Variants in CCDC38 observed in about 807,000 individuals in gnomAD.
CCDC38 encodes coiled-coil domain-containing protein 38.
A neutral mutation model predicts 72.8 loss-of-function variants in CCDC38; 69 were observed. That is an observed-to-expected ratio of 0.95 (90% CI 0.78 to 1.16). The LOEUF (loss-of-function observed/expected upper bound fraction) is 1.16. Among genes scored for constraint, CCDC38 ranks in the 50% most tolerant of loss-of-function variants. The pLI is 0.00. For synonymous variants in CCDC38, 201 were observed against 213.2 expected (o/e 0.94, Z 0.50); for missense variants, 626 against 638.9 (o/e 0.98, Z 0.22).
chr12:95,883,444 T>A (rs1329499728), intron 10 of CCDC38, among the ~76,000 whole-genome samples: 1 of 152,140 alleles, frequency 6.6e-6, no homozygotes, highest in African/African-American at 2.4e-5. Flanking sequence ...AACCTGCCAT[T>A]CTGAACAGAG....
chr12:95,869,263 GCTT>G (rs2079554757), intron 15 of CCDC38, among the ~76,000 whole-genome samples: 1 of 152,090 alleles, frequency 6.6e-6, no homozygotes, highest in African/African-American at 2.4e-5. Context: ...GAGAGAAGAG[GCTT>G]CTTTTACTAA....
At chr12:95,916,834 C>T (rs933947773) in intron 4 of CCDC38, among the ~76,000 whole-genome samples, 7 of 152,024 alleles carry the variant, frequency 4.6e-5, no homozygotes, top group Non-Finnish European at 7.4e-5. Context: ...TATGAATGGC[C>T]AGAGCTATTA....
Position 95,917,025 on chromosome 12 carries a change from A to G in CCDC38, c.304+104T>C, listed in dbSNP as rs538343366. ...TGTACTAAGACTCCCTACCATTATA[A>G]GAGAGCATACTGTCTGTTTTAATCA... On this transcript the variant is annotated intron_variant, in intron 4 of 15. Transcript: ENST00000344280. 47 of 781,930 alleles carry G rather than the reference A, an allele frequency of 6.0e-5. 1 individual carries two copies. In the South Asian group the frequency reaches 1.1e-3, roughly 19 times the overall value. 48.4% of individuals were successfully genotyped at this position (781,930 alleles called of 1,614,324 possible).
At chr12:95,938,894 A>T (rs1246258233) in intron 1 of CCDC38, among the ~76,000 whole-genome samples, 1 of 152,248 alleles carries the variant, frequency 6.6e-6, no homozygotes, top group Non-Finnish European at 1.5e-5. Context: ...TCACATCTTA[A>T]ATACACGTTC....
chr12:95,940,457 C>T (rs941932408), intron 1 of CCDC38, among the ~76,000 whole-genome samples: 1 of 152,192 alleles, frequency 6.6e-6, no homozygotes, highest in African/African-American at 2.4e-5. Flanking sequence ...CAACAACCCC[C>T]TCTAAAACCC....
In CCDC38 at chr12:95,879,677, A is replaced by G. The variant is rs1357756078; in HGVS notation, c.1109T>C (p.Val370Ala). 6.9e-6 allele frequency: 11 copies of G among 1,601,224 alleles called. No homozygotes were observed. Among genetic ancestry groups the G allele is most frequent in the Non-Finnish European group, 8.6e-6 (10 of 1,169,570 alleles). ...SQDVDENLEEVNKREKVIQDK... is the reference protein window; with the variant it reads ...SQDVDENLEEANKREKVIQDK... ...CTGTATAACTTTTTCTCTTTTGTTT[A>G]CCTCTTCAAGATTTTCATCTACATC... Residue 370 changes from valine to alanine, a missense_variant, in exon 12 of 16, where the codon GTA becomes GCA. Coordinates refer to ENST00000344280, the MANE Select transcript of CCDC38 (RefSeq NM_182496.3). The surrounding 1 kb of genome is among the most constrained non-coding windows in gnomAD (Gnocchi z 5.5).
rs560284789 is a variant in CCDC38, at chr12:95,904,957, A to T, written c.369+1430T>A. Reference sequence around the variant, plus strand: ...TTACTACAAATAGTTGTTCCTTGGCATCAACAGGAGATTGGCTCCAGGATC... The same window carrying T: ...TTACTACAAATAGTTGTTCCTTGGCTTCAACAGGAGATTGGCTCCAGGATC... On this transcript the variant is annotated intron_variant, in intron 5 of 15. Transcript: ENST00000344280. Among the ~76,000 whole-genome samples the T allele has an allele frequency of 2.8e-4, 43 of 152,330 alleles. No individual in the cohort carries two copies. The South Asian group carries it at 7.5e-3, about 26-fold the overall frequency.
chr12:95,869,632 A>C, intron 14 of CCDC38, 59 bp from the exon 15 acceptor site: 1 of 1,282,244 alleles, frequency 7.8e-7, no homozygotes, highest in Non-Finnish European at 1.1e-6. Context: ...TAAGAAAAGT[A>C]CATTACTATT....
At chr12:95,919,706 C>T (rs908841693) in intron 2 of CCDC38, 2 of 443,698 alleles carry the variant, frequency 4.5e-6, no homozygotes, top group African/African-American at 2.0e-5. Context: ...TATGTTTCTT[C>T]TCACCATTAT....
At chr12:95,912,539 T>A (rs2080105407) in intron 4 of CCDC38, among the ~76,000 whole-genome samples, 2 of 152,162 alleles carry the variant, frequency 1.3e-5, no homozygotes, top group Non-Finnish European at 2.9e-5. Flanking sequence ...AGTTTGAGTG[T>A]GCTGTAGCGC....
intron 5 of CCDC38, among the ~76,000 whole-genome samples, chr12:95,905,592 G>A (rs10859977): frequency 0.24 from 35,830 of 152,120 alleles, 4,388 homozygotes; most frequent in South Asian, 0.35. Flanking sequence ...GCCCCAAAAT[G>A]TGTGATGTGA....
intron 11 of CCDC38, among the ~76,000 whole-genome samples, chr12:95,880,422 G>A (rs1204679413): frequency 1.3e-5 from 2 of 152,138 alleles, no homozygotes; most frequent in Non-Finnish European, 2.9e-5. Flanking sequence ...TTGGGAGGCC[G>A]AGGTGGGTGG....
chr12:95,918,001 T>C (rs879465877), intron 3 of CCDC38, among the ~76,000 whole-genome samples: 1 of 152,188 alleles, frequency 6.6e-6, no homozygotes, highest in Non-Finnish European at 1.5e-5. Context: ...TAATTTTAAG[T>C]ATGTTCCACA....
chr12:95,920,069 A>G (rs1168938681), intron 2 of CCDC38, among the ~76,000 whole-genome samples: 1 of 152,236 alleles, frequency 6.6e-6, no homozygotes, highest in Non-Finnish European at 1.5e-5. Flanking sequence ...TAATAGCCAA[A>G]AAATAGAGAC....
chr12:95,897,678 T>C (rs1351453297), intron 7 of CCDC38, among the ~76,000 whole-genome samples: 2 of 151,938 alleles, frequency 1.3e-5, no homozygotes, highest in Non-Finnish European at 2.9e-5. Flanking sequence ...AACATCCAAG[T>C]TTGAAAAAGA....
At chr12:95,899,153 A>G (rs576766034) in intron 5 of CCDC38, among the ~76,000 whole-genome samples, 2 of 152,340 alleles carry the variant, frequency 1.3e-5, no homozygotes, top group Non-Finnish European at 1.5e-5. Context: ...CATGCCAGTG[A>G]TGCATTCCTG....
chr12:95,942,702 C>G (rs1424443232), upstream of CCDC38: 1 of 152,378 alleles, frequency 6.6e-6, no homozygotes, highest in African/African-American at 2.4e-5. Context: ...GGCTCGCGGC[C>G]CTCCGCGTCC....
chr12:95,872,234 TCTTATC>T lies in CCDC38; in HGVS notation c.1484+15_1484+20del. 6.2e-7 allele frequency: 1 copy of T among 1,609,828 alleles called. No individual in the cohort carries two copies. The highest frequency in any genetic ancestry group is 8.5e-7 in the Non-Finnish European group (1 of 1,176,166). ...CAAAACCAGCTACTCATTAAGTCAT[TCTTATC>T]CTTATTGACTGTACTTTTGCCGCCA... is the stretch of plus-strand genomic sequence containing the variant. On this transcript the variant is annotated intron_variant, in intron 14 of 15. Coordinates refer to ENST00000344280, the MANE Select transcript of CCDC38 (RefSeq NM_182496.3).
Position 95,936,642 on chromosome 12 carries a change from A to C in CCDC38, c.-14-119T>G, listed in dbSNP as rs2080397560. ...TATGGCTTTTAAAAGCAGTGAGCAC[A>C]CACATACTCTTTGACCCAGCAATTT... On this transcript the variant is annotated intron_variant, in intron 1 of 15. Transcript: ENST00000344280. The C allele has an allele frequency of 4.4e-6, 3 of 677,010 alleles. 1 individual carries two copies. The South Asian group carries it at 6.7e-5, about 15-fold the overall frequency. 41.9% of individuals were successfully genotyped at this position (677,010 alleles called of 1,614,324 possible). A position where few individuals can be genotyped will look rare whatever the true frequency, so the allele number is the denominator to read the frequency against.
Sources: gnomAD v4.1 joint callset for allele counts (sites outside exome capture counted in the v4.1 genomes callset) on GRCh38, gnomAD v4.1.1 for gene constraint, Gnocchi (gnomAD v3.1) non-coding constraint, MANE v1.5 for transcripts, NCBI Gene and HGNC (gene_info 2026-07-23, HGNC 2026-07-21) for gene names.